The following LRIG1 variants were observed in gnomAD, a reference collection of about 807,000 sequenced individuals.
LRIG1 encodes leucine-rich repeats and immunoglobulin-like domains protein 1.
Under a neutral mutation model 99.2 loss-of-function variants are expected in LRIG1, and 48 were observed. The observed-to-expected ratio is 0.48, with a 90% CI of 0.38 to 0.62. The LOEUF (loss-of-function observed/expected upper bound fraction) is 0.62. Ranked by LOEUF, LRIG1 falls within the 20% of genes least tolerant of loss-of-function variation. The pLI, the probability that LRIG1 is intolerant of heterozygous loss-of-function variation, is 0.00. For synonymous variants in LRIG1, 772 were observed against 596.1 expected, an observed-to-expected ratio of 1.29 and a Z score of -4.30; for missense variants, 1,646 against 1,434.4, an observed-to-expected ratio of 1.15 and a Z score of -2.38.
chr3:66,483,232 T>C (rs1042587234), intron 1 of LRIG1, among the ~76,000 whole-genome samples: 1 of 152,162 alleles, frequency 6.6e-6, no homozygotes, highest in African/African-American at 2.4e-5. Flanking sequence ...CTTGCTAGCA[T>C]GCCTGGGAGA....
chr3:66,406,496 C>T, intron 8 of LRIG1: 1 of 882,166 alleles, frequency 1.1e-6, no homozygotes, highest in Non-Finnish European at 1.4e-6. Flanking sequence ...CACATTAAAG[C>T]CGGCTCTGCC....
chr3:66,418,622 G>A (rs1430857270), intron 3 of LRIG1, among the ~76,000 whole-genome samples: 1 of 152,150 alleles, frequency 6.6e-6, no homozygotes, highest in Admixed American at 6.5e-5. Context: ...ACTGGCACTC[G>A]AGCCAGTTCT....
In LRIG1 at chr3:66,384,131, C is replaced by A; in HGVS notation, c.1931G>T (p.Arg644Leu). ...KDGGTDFPAA[R>L]ERRMHVMPDD... ...CGGCATGACATGCATGCGTCGCTCA[C>A]GGGCAGCGGGGAAATCCGTGCCTCC... Residue 644 changes from arginine (R) to leucine (L), a missense_variant, in exon 14 of 19, where the codon CGT (arginine) becomes CTT (leucine). Physicochemically the swap from Arg to Leu is moderately radical, Grantham distance 102. Transcript: ENST00000273261. 6.2e-7 allele frequency: 1 copy of A among 1,614,166 alleles called. No individual in the cohort carries two copies. Among genetic ancestry groups the A allele is most frequent in the Admixed American group, 1.7e-5 (1 of 60,022 alleles).
chr3:66,424,358 C>A (rs571853462), intron 3 of LRIG1, among the ~76,000 whole-genome samples: 6 of 152,120 alleles, frequency 3.9e-5, no homozygotes, highest in South Asian at 4.1e-4. Flanking sequence ...AGGTCTCCCC[C>A]CCATGAAGGT....
rs567213520 is a variant in LRIG1, at chr3:66,396,575, G to A, written c.1304+1537C>T. Among the ~76,000 whole-genome samples, 24 of 152,312 alleles carry A rather than the reference G, an allele frequency of 1.6e-4. No homozygotes were observed. The South Asian group carries it at 3.5e-3, about 22-fold the overall frequency. Reference sequence around the variant, plus strand: ...GCTCCAGCGAGGTATATGCAGCAACGATGGGAAACCCAGGCAGGAGACCGA... The same window carrying A: ...GCTCCAGCGAGGTATATGCAGCAACAATGGGAAACCCAGGCAGGAGACCGA... On this transcript the variant is annotated intron_variant, in intron 11 of 18. Coordinates refer to ENST00000273261, the MANE Select transcript of LRIG1 (RefSeq NM_015541.3).
intron 1 of LRIG1, chr3:66,498,347 C>A (rs1442724027): frequency 1.3e-5 from 2 of 152,016 alleles, no homozygotes; most frequent in African/African-American, 4.8e-5. Context: ...AAAGAAATAA[C>A]CAGTATGTTT....
At chr3:66,391,746 A>T (rs1575653264) in intron 12 of LRIG1, among the ~76,000 whole-genome samples, 1 of 152,244 alleles carries the variant, frequency 6.6e-6, no homozygotes, top group South Asian at 2.1e-4. Flanking sequence ...TATATTTTAA[A>T]GGGGTAAATT....
intron 3 of LRIG1, among the ~76,000 whole-genome samples, chr3:66,435,271 AG>A (rs1196768135): frequency 6.6e-6 from 1 of 151,476 alleles, no homozygotes; most frequent in Non-Finnish European, 1.5e-5. Context: ...GAAGTCAACC[AG>A]GGGGGGCTAG....
In LRIG1 at chr3:66,379,419, C is replaced by G. The variant is rs909011778; in HGVS notation, c.*844G>C. The G allele has an allele frequency of 6.6e-6, 1 of 152,172 alleles. No individual in the cohort carries two copies. Among genetic ancestry groups the G allele is most frequent in the Non-Finnish European group, 1.5e-5 (1 of 68,040 alleles). The allele number at this position is 152,172 out of a possible 1,614,324, so 9.4% of individuals were successfully genotyped here. A position where few individuals can be genotyped will look rare whatever the true frequency, so the allele number is the denominator to read the frequency against. On this transcript the variant is annotated 3_prime_UTR_variant, in exon 19 of 19. Transcript: ENST00000273261. Reference sequence around the variant, plus strand: ...ATAGAAAAATCCACAGGTACCAACACCAGCAGCCTTTACCTTAATTTAAAA... The same window carrying G: ...ATAGAAAAATCCACAGGTACCAACAGCAGCAGCCTTTACCTTAATTTAAAA...
chr3:66,382,178 G>A, intron 16 of LRIG1, 95 bp downstream of exon 16: 1 of 1,457,996 alleles, frequency 6.9e-7, no homozygotes, highest in Non-Finnish European at 9.5e-7. Flanking sequence ...CCCATCTAAT[G>A]CCAGGTACCT....
chr3:66,495,162 G>A (rs1165839612), intron 1 of LRIG1, among the ~76,000 whole-genome samples: 2 of 152,138 alleles, frequency 1.3e-5, no homozygotes, highest in Non-Finnish European at 2.9e-5. Flanking sequence ...AACCCTAGTG[G>A]CTCAGTGTCA....
intron 3 of LRIG1, among the ~76,000 whole-genome samples, chr3:66,436,341 C>G (rs946059057): frequency 6.6e-6 from 1 of 152,300 alleles, no homozygotes; most frequent in Admixed American, 6.5e-5. Context: ...CAGGCAAGCT[C>G]AGGAAGGGGC....
Position 66,500,948 on chromosome 3 carries a change from G to T in LRIG1, c.-541C>A, listed in dbSNP as rs1027659505. 4 of 151,682 alleles carry T rather than the reference G, an allele frequency of 2.6e-5. No individual in the cohort carries two copies. In the East Asian group the frequency reaches 7.8e-4, roughly 30 times the overall value. The allele number at this position is 151,682 out of a possible 1,614,324, so 9.4% of individuals were successfully genotyped here. A position where few individuals can be genotyped will look rare whatever the true frequency, so the allele number is the denominator to read the frequency against. ...GCCAGAGAGCGCGCGCGCGCGCGCAGCCTCGGGTTCCGCACGGCTCCTCCG... is the reference window on the plus strand; with the variant it reads ...GCCAGAGAGCGCGCGCGCGCGCGCATCCTCGGGTTCCGCACGGCTCCTCCG... On this transcript the variant is annotated 5_prime_UTR_variant, in exon 1 of 19. It adds an upstream start codon to the 5' untranslated region. Coordinates refer to ENST00000273261, the MANE Select transcript of LRIG1 (RefSeq NM_015541.3).
chr3:66,409,901 G>A lies in LRIG1; in HGVS notation c.935+228C>T, dbSNP rs557414360. On this transcript the variant is annotated intron_variant, in intron 7 of 18. Transcript: ENST00000273261. ...CAGGGACCTAGCTGCTACTCCTGGA[G>A]CCCCTGCTAATCCAAATGCAGAGGA... is the stretch of plus-strand genomic sequence containing the variant. 1.5e-5 allele frequency: 7 copies of A among 463,320 alleles called. No homozygotes were observed. The Admixed American group carries it at 1.6e-4, about 10-fold the overall frequency. 28.7% of individuals were successfully genotyped at this position (463,320 alleles called of 1,614,324 possible).
intron 8 of LRIG1, among the ~76,000 whole-genome samples, chr3:66,406,958 C>G (rs765426069): frequency 2.0e-5 from 3 of 152,184 alleles, no homozygotes; most frequent in Non-Finnish European, 2.9e-5. Flanking sequence ...TTGGAAGTTG[C>G]AGCTGAAGAC....
chr3:66,385,492 A>C (rs1701328531), intron 13 of LRIG1, among the ~76,000 whole-genome samples: 2 of 152,154 alleles, frequency 1.3e-5, no homozygotes, highest in African/African-American at 4.8e-5. Context: ...TCACTTTGAC[A>C]CCCAGGCTGG....
intron 3 of LRIG1, among the ~76,000 whole-genome samples, chr3:66,419,284 G>C (rs1261379583): frequency 6.6e-6 from 1 of 151,960 alleles, no homozygotes; most frequent in Non-Finnish European, 1.5e-5. Flanking sequence ...CTCAGTCTTT[G>C]TCTGTGGTCC....
chr3:66,497,704 C>CAA (rs71616223), intron 1 of LRIG1, among the ~76,000 whole-genome samples: 35,848 of 88,950 alleles, frequency 0.4, 7,869 homozygotes, highest in East Asian at 0.55. Context: ...GCACTGTTTA[C>CAA]AAAAAAAAAA....
At chr3:66,419,347 G>A (rs537670137) in intron 3 of LRIG1, among the ~76,000 whole-genome samples, 18 of 152,132 alleles carry the variant, frequency 1.2e-4, no homozygotes, top group South Asian at 6.2e-4. Context: ...AACACAATCC[G>A]GGCCCCACTC....
Sources: allele counts gnomAD v4.1 joint callset (sites outside exome capture counted in the v4.1 genomes callset), GRCh38; gene constraint gnomAD v4.1.1; transcripts MANE v1.5; gene names NCBI Gene and HGNC (gene_info 2026-07-23, HGNC 2026-07-21).